Variants in HS6ST1 observed in about 807,000 individuals in gnomAD.
HS6ST1 encodes heparan-sulfate 6-O-sulfotransferase 1.
A neutral mutation model predicts 25.2 loss-of-function variants in HS6ST1; 3 were observed. The observed-to-expected ratio is 0.12, with a 90% confidence interval of 0.05 to 0.31. HS6ST1 has a LOEUF of 0.31. Among genes scored for constraint, HS6ST1 ranks in the 10% least tolerant of loss-of-function variants. The pLI is 1.00. For synonymous variants in HS6ST1, 204 were observed against 275.1 expected (o/e 0.74, Z 2.56); for missense variants, 310 against 609.6 (o/e 0.51, Z 5.18).
rs528279401 is a variant in HS6ST1, at chr2:128,273,076, G to A, written c.528-4206C>T. Among the ~76,000 whole-genome samples the A allele has an allele frequency of 5.3e-5, 8 of 152,338 alleles. No individual in the cohort carries two copies. The South Asian group carries it at 1.4e-3, about 28-fold the overall frequency. On this transcript the variant is annotated intron_variant, in intron 1 of 1. Coordinates refer to ENST00000259241, the MANE Select transcript of HS6ST1 (RefSeq NM_004807.3). ...CCCTTCTGGACCAAGGCCTCCCGCTGCAGGGACAGCTGCTGGGGAACCACA... is the reference window on the plus strand; with the variant it reads ...CCCTTCTGGACCAAGGCCTCCCGCTACAGGGACAGCTGCTGGGGAACCACA...
At chr2:128,294,021 G>A (rs1693998317) in intron 1 of HS6ST1, among the ~76,000 whole-genome samples, 1 of 152,224 alleles carries the variant, frequency 6.6e-6, no homozygotes, top group African/African-American at 2.4e-5. Flanking sequence ...CCCGAAGCCA[G>A]TAGGCTTGGC....
chr2:128,302,365 G>A (rs981996459), intron 1 of HS6ST1, among the ~76,000 whole-genome samples: 5 of 152,174 alleles, frequency 3.3e-5, no homozygotes, highest in Non-Finnish European at 5.9e-5. Context: ...TGATGTGTAC[G>A]TGGTGTGTTC....
intron 1 of HS6ST1, among the ~76,000 whole-genome samples, chr2:128,298,051 A>G (rs1046423696): frequency 6.6e-6 from 1 of 152,086 alleles, no homozygotes; most frequent in African/African-American, 2.4e-5. Context: ...AGACAGACCA[A>G]TGGCCAACAA....
At chr2:128,277,010 T>C (rs1693706405) in intron 1 of HS6ST1, among the ~76,000 whole-genome samples, 1 of 152,096 alleles carries the variant, frequency 6.6e-6, no homozygotes, top group Admixed American at 6.5e-5. Context: ...GTTTAGTAAC[T>C]AACCATGAAT....
At chr2:128,289,858 TGTCA>T (rs775877897) in intron 1 of HS6ST1, 6 of 152,344 alleles carry the variant, frequency 3.9e-5, no homozygotes, top group Non-Finnish European at 7.3e-5. Context: ...AGAGGATAGC[TGTCA>T]GTCAAATTAT....
rs887087364 is a variant in HS6ST1 at position 128,305,045 on chromosome 2, T to C, written c.527+12992A>G. 2.6e-5 allele frequency among the ~76,000 whole-genome samples: 4 copies of C among 152,238 alleles called. 1 individual carries two copies. Among genetic ancestry groups the C allele is most frequent in the African/African-American group, 9.6e-5 (4 of 41,464 alleles). ...TCATGCAGGAGGCAGCTCCCTGCTA[T>C]GAGGGCCTCCTAAGCTCTCCATTCT... On this transcript the variant is annotated intron_variant, in intron 1 of 1. Coordinates refer to ENST00000259241, the MANE Select transcript of HS6ST1 (RefSeq NM_004807.3).
intron 1 of HS6ST1, among the ~76,000 whole-genome samples, chr2:128,283,311 G>C (rs373629471): frequency 1.3e-5 from 2 of 152,208 alleles, no homozygotes; most frequent in Non-Finnish European, 2.9e-5. Context: ...GGACAGAAGG[G>C]GCCCTGGTAG....
At chr2:128,271,189 GA>G (rs1235613594) in intron 1 of HS6ST1, among the ~76,000 whole-genome samples, 2 of 152,226 alleles carry the variant, frequency 1.3e-5, no homozygotes, top group African/African-American at 4.8e-5. Flanking sequence ...TAGCAGCGGG[GA>G]CAGATCCCGT....
chr2:128,297,533 T>C (rs1331279955), intron 1 of HS6ST1, among the ~76,000 whole-genome samples: 1 of 152,072 alleles, frequency 6.6e-6, no homozygotes, highest in Non-Finnish European at 1.5e-5. Context: ...TTCATCAAAA[T>C]TAAAAACATT....
chr2:128,286,334 G>A (rs538853626), intron 1 of HS6ST1, among the ~76,000 whole-genome samples: 1 of 152,370 alleles, frequency 6.6e-6, no homozygotes, highest in Non-Finnish European at 1.5e-5. Flanking sequence ...TGCAGGGCCA[G>A]GAACATAGAC....
At chr2:128,297,684 A>G (rs1256967337) in intron 1 of HS6ST1, among the ~76,000 whole-genome samples, 1 of 152,110 alleles carries the variant, frequency 6.6e-6, no homozygotes, top group Non-Finnish European at 1.5e-5. Context: ...AAATACAGAA[A>G]TTAGCTGGGC....
In HS6ST1 at chr2:128,318,002, C is replaced by T; in HGVS notation, c.527+35G>A. 1 of 1,420,620 alleles carries T rather than the reference C, an allele frequency of 7.0e-7. No individual in the cohort carries two copies. Among genetic ancestry groups the T allele is most frequent in the Non-Finnish European group, 9.1e-7 (1 of 1,100,686 alleles). The allele number at this position is 1,420,620 out of a possible 1,614,324, so 88.0% of individuals were successfully genotyped here. On this transcript the variant is annotated intron_variant, in intron 1 of 1. Transcript: ENST00000259241. This position sits in a 1 kb window ranked among gnomAD's most constrained non-coding sequence, Gnocchi z 5.7. ...GGCATACGGCCCGGCCTCGGGGGCGCAGCTGCGCGAGGATCCCGCCGCCCG... is the reference window on the plus strand; with the variant it reads ...GGCATACGGCCCGGCCTCGGGGGCGTAGCTGCGCGAGGATCCCGCCGCCCG...
At position 128,266,621 on chromosome 2, in the gene HS6ST1, TGTGGTGGCTGA is replaced by T. The variant is rs1161715483; in HGVS notation, c.*1530_*1540del. On this transcript the variant is annotated 3_prime_UTR_variant, in exon 2 of 2. Coordinates refer to ENST00000259241, the MANE Select transcript of HS6ST1 (RefSeq NM_004807.3). ...CGTCTCCACCCCATGGTGTGGCAAC[TGTGGTGGCTGA>T]GTGGAAGCTGGGGCAGGAGAGAGGA... 6.6e-6 allele frequency: 1 copy of T among 152,256 alleles called. No individual in the cohort carries two copies. Among genetic ancestry groups the T allele is most frequent in the East Asian group, 1.9e-4 (1 of 5,194 alleles). 9.4% of individuals were successfully genotyped at this position (152,256 alleles called of 1,614,324 possible). A position where few individuals can be genotyped will look rare whatever the true frequency, so the allele number is the denominator to read the frequency against.
At chr2:128,317,543 C>T (rs560915027) in intron 1 of HS6ST1, among the ~76,000 whole-genome samples, 1 of 152,230 alleles carries the variant, frequency 6.6e-6, no homozygotes, top group East Asian at 1.9e-4. Context: ...CCTGGCAGCT[C>T]CCCCACCCTC....
chr2:128,279,330 C>CTTT (rs61670210), intron 1 of HS6ST1, among the ~76,000 whole-genome samples: 50 of 124,704 alleles, frequency 4.0e-4, no homozygotes, highest in African/African-American at 9.7e-4. Flanking sequence ...ATGACAGAAC[C>CTTT]TTTTTTTTTT....
At chr2:128,273,017 T>C (rs1449321717) in intron 1 of HS6ST1, among the ~76,000 whole-genome samples, 1 of 152,168 alleles carries the variant, frequency 6.6e-6, no homozygotes. Flanking sequence ...CCTGTCAGCC[T>C]CACCTGTCCT....
At chr2:128,314,062 C>A (rs550596563) in intron 1 of HS6ST1, among the ~76,000 whole-genome samples, 65 of 152,314 alleles carry the variant, frequency 4.3e-4, no homozygotes, top group Middle Eastern at 3.4e-3. Flanking sequence ...AGTGACACCC[C>A]CAGCCTGGTC....
At chr2:128,298,164 G>A (rs530963139) in intron 1 of HS6ST1, among the ~76,000 whole-genome samples, 1 of 152,008 alleles carries the variant, frequency 6.6e-6, no homozygotes, top group Non-Finnish European at 1.5e-5. Context: ...CAAAAAACAG[G>A]AAGAAATGTT....
chr2:128,269,341 T>TGG (rs566108850), intron 1 of HS6ST1, among the ~76,000 whole-genome samples: 26 of 145,632 alleles, frequency 1.8e-4, no homozygotes, highest in African/African-American at 6.0e-4. Context: ...TGGTGGTGGT[T>TGG]GGGGGGGGGG....
Sources: allele counts gnomAD v4.1 joint callset (sites outside exome capture counted in the v4.1 genomes callset), GRCh38; gene constraint gnomAD v4.1.1; non-coding constraint Gnocchi (gnomAD v3.1); transcripts MANE v1.5; gene names NCBI Gene and HGNC (gene_info 2026-07-23, HGNC 2026-07-21).